The following NNT variants were observed in gnomAD, a reference collection of about 807,000 sequenced individuals.
The protein encoded by NNT is nicotinamide nucleotide transhydrogenase.
In NNT, 50 loss-of-function variants were observed where a neutral mutation model predicts 104.8. The ratio of observed to expected loss-of-function variants is 0.48; its 90% confidence interval spans 0.38 to 0.60. NNT has a LOEUF of 0.60. Among genes scored for constraint, NNT ranks in the 20% least tolerant of loss-of-function variants. The pLI is 0.00. For missense variants in NNT, 1,131 were observed against 1,330.7 expected, an observed-to-expected ratio of 0.85 and a Z score of 2.33; for synonymous variants, 461 against 490.4, an observed-to-expected ratio of 0.94 and a Z score of 0.79.
chr5:43,698,842 GCA>G (rs1174006996), intron 19 of NNT, among the ~76,000 whole-genome samples: 1 of 148,980 alleles, frequency 6.7e-6, no homozygotes, highest in Admixed American at 6.7e-5. Flanking sequence ...ACACATACTT[GCA>G]CACACATGCA....
chr5:43,682,509 G>T (rs570127465), intron 19 of NNT, among the ~76,000 whole-genome samples: 2 of 152,128 alleles, frequency 1.3e-5, no homozygotes, highest in African/African-American at 2.4e-5. Context: ...CCACACTCAG[G>T]CAGGATTTTC....
At chr5:43,666,788 C>T in intron 17 of NNT, 2 of 1,301,056 alleles carry the variant, frequency 1.5e-6, no homozygotes, top group Non-Finnish European at 2.1e-6. Flanking sequence ...TTTGTAGGGG[C>T]CTCGGTACCT....
At chr5:43,644,933 A>G in intron 9 of NNT, 131 bp downstream of exon 9, 1 of 640,994 alleles carries the variant, frequency 1.6e-6, no homozygotes, top group Non-Finnish European at 2.4e-6. Flanking sequence ...CTTTATGCTG[A>G]TAAAAATTAT....
At chr5:43,669,742 C>T (rs1561307904) in intron 17 of NNT, among the ~76,000 whole-genome samples, 2 of 152,080 alleles carry the variant, frequency 1.3e-5, no homozygotes, top group African/African-American at 4.8e-5. Context: ...CTAAAATTCT[C>T]TTTTTTTGTT....
intron 17 of NNT, among the ~76,000 whole-genome samples, chr5:43,669,352 T>C (rs1213231261): frequency 6.6e-6 from 1 of 152,170 alleles, no homozygotes; most frequent in Admixed American, 6.5e-5. Flanking sequence ...CATCCCTGTC[T>C]TGTGCCAGTT....
At chr5:43,648,326 T>C in intron 10 of NNT, 4 of 785,858 alleles carry the variant, frequency 5.1e-6, no homozygotes, top group Non-Finnish European at 6.3e-6. Context: ...AGTTAACTTC[T>C]AGTTCCCTGG....
In NNT at chr5:43,619,070, GT is replaced by G. The variant is rs754632786; in HGVS notation, c.645del (p.Phe215LeufsTer17). 4 of 1,550,390 alleles carry G rather than the reference GT, an allele frequency of 2.6e-6. No individual in the cohort carries two copies. Among genetic ancestry groups the G allele is most frequent in the African/African-American group, 1.4e-5 (1 of 73,046 alleles). ...GTCCTAGCAGCAAATCATTTTGGAC[GT>G]TTTTTTACTGGTCAGATCACAGCTG... The part of the protein sequence containing the change: ...AVVLAANHFG[R>X]FFTGQITAAG... On this transcript the variant is annotated frameshift_variant, in exon 5 of 22. Coordinates refer to ENST00000344920, the MANE Select transcript of NNT (RefSeq NM_182977.3). LOFTEE classifies it high-confidence loss of function.
intron 17 of NNT, among the ~76,000 whole-genome samples, chr5:43,674,970 A>G (rs1014516046): frequency 1.2e-4 from 18 of 152,222 alleles, no homozygotes; most frequent in African/African-American, 4.3e-4. Flanking sequence ...ATTAAAACTT[A>G]GGTATGGGGC....
At chr5:43,675,487 A>G (rs765283203) in intron 17 of NNT, 24 bp from the exon 18 acceptor site, 1 of 1,600,656 alleles carries the variant, frequency 6.2e-7, no homozygotes, top group Admixed American at 1.8e-5. Flanking sequence ...TTAAACTCTC[A>G]CAGCTGATAA....
At chr5:43,703,857 G>T (rs1742984737) in intron 21 of NNT, among the ~76,000 whole-genome samples, 1 of 152,110 alleles carries the variant, frequency 6.6e-6, no homozygotes. Context: ...AACCTCATCT[G>T]TTTTAGAATT....
At chr5:43,616,343 G>A (rs1337168910) in intron 4 of NNT, among the ~76,000 whole-genome samples, 10 of 152,128 alleles carry the variant, frequency 6.6e-5, no homozygotes, top group Admixed American at 5.9e-4. Flanking sequence ...TTTGTATGAG[G>A]AACACACTGT....
Position 43,656,638 on chromosome 5 carries a change from T to G in NNT, c.2294-15T>G. 6.3e-7 allele frequency: 1 copy of G among 1,594,114 alleles called. No homozygotes were observed. The highest frequency in any genetic ancestry group is 8.5e-7 in the Non-Finnish European group (1 of 1,172,976). On this transcript the variant is annotated splice_polypyrimidine_tract_variant and intron_variant, in intron 15 of 21. Transcript: ENST00000344920. Reference sequence around the variant, plus strand: ...AACACATTCTGAATTGTAACTACTATGTGCTTGGCTCTAGGTCTCCTGAAA... The same window carrying G: ...AACACATTCTGAATTGTAACTACTAGGTGCTTGGCTCTAGGTCTCCTGAAA...
intron 19 of NNT, among the ~76,000 whole-genome samples, chr5:43,696,816 C>T (rs1742581335): frequency 1.3e-5 from 2 of 152,192 alleles, no homozygotes; most frequent in African/African-American, 4.8e-5. Context: ...TATACCTTGG[C>T]CCCTTTTAGT....
intron 5 of NNT, among the ~76,000 whole-genome samples, chr5:43,623,476 G>A (rs1431068657): frequency 2.0e-5 from 3 of 152,142 alleles, no homozygotes; most frequent in African/African-American, 7.2e-5. Context: ...CAGACTTACG[G>A]AGAGTTGCTC....
intron 10 of NNT, 130 bp downstream of exon 10, chr5:43,645,640 CATCT>C (rs1319635971): frequency 7.1e-4 from 120 of 168,110 alleles, no homozygotes; most frequent in East Asian, 1.4e-3. Context: ...TATATCTACA[CATCT>C]ATCTATCTAT....
chr5:43,611,094 G>GCCTCCCTCCCTCCCTCCCTC (rs1256999270), intron 2 of NNT, among the ~76,000 whole-genome samples: 1 of 68,086 alleles, frequency 1.5e-5, no homozygotes, highest in Admixed American at 2.1e-4. Context: ...CTCCCTCCCT[G>GCCTCCCTCCCTCCCTCCCTC]CCTCCCTCCC....
chr5:43,673,273 T>A (rs1208704751), intron 17 of NNT, among the ~76,000 whole-genome samples: 1 of 152,152 alleles, frequency 6.6e-6, no homozygotes, highest in Non-Finnish European at 1.5e-5. Flanking sequence ...TCACGCTTGG[T>A]GGACTGCACC....
At position 43,644,799 on chromosome 5, in the gene NNT, G is replaced by GA; in HGVS notation, c.1290dup (p.Asp431ArgfsTer3). On this transcript the variant is annotated frameshift_variant, in exon 9 of 22. Coordinates refer to ENST00000344920, the MANE Select transcript of NNT (RefSeq NM_182977.3). LOFTEE classifies it high-confidence loss of function. ...ATGTCATTAGAGGAACTGTAGTGAT[G>GA]AAAGTAAGTAAAGAGATCTATTCCT... is the stretch of plus-strand genomic sequence containing the variant. 6.2e-7 allele frequency: 1 copy of GA among 1,610,074 alleles called. No homozygotes were observed. Among genetic ancestry groups the GA allele is most frequent in the Non-Finnish European group, 8.5e-7 (1 of 1,177,168 alleles).
chr5:43,612,377 T>C (rs1335594568), intron 2 of NNT, among the ~76,000 whole-genome samples: 1 of 152,218 alleles, frequency 6.6e-6, no homozygotes, highest in African/African-American at 2.4e-5. Flanking sequence ...CTTGTCTAAG[T>C]GGCTGAGTGT....
Sources: allele counts gnomAD v4.1 joint callset (sites outside exome capture counted in the v4.1 genomes callset), GRCh38; gene constraint gnomAD v4.1.1; transcripts MANE v1.5; gene names NCBI Gene and HGNC (gene_info 2026-07-23, HGNC 2026-07-21).